CR1L: variants seen among roughly 807,000 people sequenced by gnomAD.
CR1L encodes complement component receptor 1-like protein.
In CR1L, 59 loss-of-function variants were observed where a neutral mutation model predicts 62.3. The ratio of observed to expected loss-of-function variants is 0.95; its 90% confidence interval spans 0.77 to 1.18. The LOEUF is 1.18. CR1L is among the 50% of genes most tolerant of loss of function. CR1L has a pLI of 0.00. For synonymous variants in CR1L, 279 were observed against 248.7 expected, an observed-to-expected ratio of 1.12 and a Z score of -1.15; for missense variants, 700 against 702.8, an observed-to-expected ratio of 1.00 and a Z score of 0.04.
intron 4 of CR1L, among the ~76,000 whole-genome samples, chr1:207,688,010 C>G (rs754642972): frequency 6.6e-6 from 1 of 152,100 alleles, no homozygotes; most frequent in African/African-American, 2.4e-5. Flanking sequence ...AGGTGGCTCA[C>G]GTCTATAATC....
chr1:207,678,510 G>A (rs1286405725), intron 3 of CR1L, among the ~76,000 whole-genome samples: 1 of 152,210 alleles, frequency 6.6e-6, no homozygotes, highest in Non-Finnish European at 1.5e-5. Flanking sequence ...AACCAAGGCA[G>A]AGCATATATG....
intron 4 of CR1L, 104 bp from the exon 5 acceptor site, chr1:207,694,249 C>A: frequency 7.1e-7 from 1 of 1,417,714 alleles, no homozygotes; most frequent in Non-Finnish European, 9.6e-7. Flanking sequence ...TACGTGTTAG[C>A]AAAGAATAAA....
intron 11 of CR1L, among the ~76,000 whole-genome samples, chr1:207,717,959 T>C (rs1654043137): frequency 6.6e-6 from 1 of 151,908 alleles, no homozygotes; most frequent in Admixed American, 6.6e-5. Context: ...AGGTCCAGAT[T>C]TTGTAGAGAA....
chr1:207,664,956 A>G (rs1211890307), intron 1 of CR1L, among the ~76,000 whole-genome samples: 1 of 152,260 alleles, frequency 6.6e-6, no homozygotes, highest in African/African-American at 2.4e-5. Context: ...ACAGTTTTTT[A>G]AAAAGATACA....
intron 1 of CR1L, among the ~76,000 whole-genome samples, chr1:207,657,587 C>CA (rs201093456): frequency 0.023 from 3,435 of 150,938 alleles, 146 homozygotes; most frequent in African/African-American, 0.078. Flanking sequence ...TTTGAAAGAC[C>CA]AAAAAAAATA....
chr1:207,647,723 T>G (rs1663152400), intron 1 of CR1L, among the ~76,000 whole-genome samples: 1 of 152,162 alleles, frequency 6.6e-6, no homozygotes, highest in African/African-American at 2.4e-5. Context: ...GTCTTTCTGT[T>G]GTACCTAAAA....
intron 10 of CR1L, among the ~76,000 whole-genome samples, chr1:207,714,998 G>C (rs1653958040): frequency 6.6e-6 from 1 of 152,218 alleles, no homozygotes; most frequent in Non-Finnish European, 1.5e-5. Flanking sequence ...TGCCCATGGA[G>C]AAGTCTGGTT....
intron 1 of CR1L, among the ~76,000 whole-genome samples, chr1:207,647,327 T>C (rs987677203): frequency 2.0e-5 from 3 of 152,200 alleles, no homozygotes; most frequent in Non-Finnish European, 4.4e-5. Flanking sequence ...TCCTGGAACG[T>C]TCTCCCCATG....
chr1:207,689,231 G>A (rs1663958035), intron 4 of CR1L, among the ~76,000 whole-genome samples: 1 of 151,962 alleles, frequency 6.6e-6, no homozygotes, highest in Non-Finnish European at 1.5e-5. Flanking sequence ...AGATTATCAT[G>A]TTTCTTTTTC....
chr1:207,660,136 A>G (rs1486441307), intron 1 of CR1L, among the ~76,000 whole-genome samples: 2 of 152,176 alleles, frequency 1.3e-5, no homozygotes, highest in African/African-American at 2.4e-5. Flanking sequence ...TGCACACTTA[A>G]ACGTCCCAGC....
At position 207,677,478 on chromosome 1, in the gene CR1L, T is replaced by G; in HGVS notation, c.187T>G (p.Tyr63Asp). ...GTTTCCCATTGGGACATATCTGAACTATGAATGCCGCCCTGGTTATTCCGG... is the reference window on the plus strand; with the variant it reads ...GTTTCCCATTGGGACATATCTGAACGATGAATGCCGCCCTGGTTATTCCGG... ...FEFPIGTYLN[Y>D]ECRPGYSGRP... The change falls in exon 2 of 12, where the codon TAT (tyrosine) becomes GAT (aspartate). Residue 63 changes from tyrosine to aspartate, a missense_variant. By Grantham distance (160) the Tyr-to-Asp change is radical (BLOSUM62 -3). Coordinates refer to ENST00000508064, the MANE Select transcript of CR1L (RefSeq NM_175710.2). 1 of 1,613,978 alleles carries G rather than the reference T, an allele frequency of 6.2e-7. No individual in the cohort carries two copies. The highest frequency in any genetic ancestry group is 8.5e-7 in the Non-Finnish European group (1 of 1,179,896).
intron 11 of CR1L, among the ~76,000 whole-genome samples, chr1:207,722,573 C>T (rs941728288): frequency 6.6e-6 from 1 of 151,672 alleles, no homozygotes; most frequent in African/African-American, 2.4e-5. Flanking sequence ...GGTACCAGTA[C>T]CATGCTGTTT....
At chr1:207,676,712 T>A (rs1287749573) in intron 1 of CR1L, among the ~76,000 whole-genome samples, 2 of 152,120 alleles carry the variant, frequency 1.3e-5, no homozygotes, top group African/African-American at 4.8e-5. Context: ...TGGAGTGCAG[T>A]GGCACAGTCT....
intron 11 of CR1L, among the ~76,000 whole-genome samples, chr1:207,721,649 C>T (rs1464136268): frequency 6.7e-6 from 1 of 148,550 alleles, no homozygotes; most frequent in Non-Finnish European, 1.5e-5. Flanking sequence ...CCACAATAAA[C>T]ATACGTGTGC....
intron 10 of CR1L, among the ~76,000 whole-genome samples, chr1:207,714,828 C>T (rs1653953796): frequency 6.6e-6 from 1 of 152,110 alleles, no homozygotes; most frequent in Non-Finnish European, 1.5e-5. Flanking sequence ...TTCTGTGAGC[C>T]TCTTTCTGGC....
intron 1 of CR1L, chr1:207,652,465 T>C (rs777931084): frequency 2.8e-5 from 23 of 811,046 alleles, no homozygotes; most frequent in African/African-American, 5.0e-5. Flanking sequence ...TTTTCTGTAC[T>C]ACCTGCTGCC....
intron 3 of CR1L, among the ~76,000 whole-genome samples, chr1:207,678,649 A>G (rs1299290495): frequency 6.6e-6 from 1 of 152,240 alleles, no homozygotes; most frequent in East Asian, 1.9e-4. Context: ...GCTGTGTGAG[A>G]GAAATCTTAA....
At chr1:207,697,989 C>T (rs1245349649) in intron 7 of CR1L, 116 bp downstream of exon 7, 12 of 1,462,124 alleles carry the variant, frequency 8.2e-6, no homozygotes, top group African/African-American at 1.4e-5. Context: ...CACACACACA[C>T]ACACACAATC....
chr1:207,660,859 G>T (rs1367753680), intron 1 of CR1L, among the ~76,000 whole-genome samples: 2 of 152,110 alleles, frequency 1.3e-5, no homozygotes, highest in African/African-American at 2.4e-5. Flanking sequence ...TGTTCTTGTT[G>T]GTTTCAAAGA....
Sources: gnomAD v4.1 joint callset for allele counts (sites outside exome capture counted in the v4.1 genomes callset) on GRCh38, gnomAD v4.1.1 for gene constraint, MANE v1.5 for transcripts, NCBI Gene and HGNC (gene_info 2026-07-23, HGNC 2026-07-21) for gene names.